Variants in ARAP2 observed in about 807,000 individuals in gnomAD.
ARAP2 encodes the protein ArfGAP with RhoGAP domain, ankyrin repeat and PH domain 2.
ARAP2 carries 148 observed loss-of-function variants against 194.5 expected under a neutral mutation model. That is an observed-to-expected ratio of 0.76 (90% CI 0.67 to 0.87). The LOEUF (loss-of-function observed/expected upper bound fraction) is 0.87, where lower values mean the gene tolerates loss of function less well. Ranked by LOEUF, ARAP2 falls within the 40% of genes least tolerant of loss-of-function variation. The pLI, the probability that ARAP2 is intolerant of heterozygous loss-of-function variation, is 0.00. For synonymous variants in ARAP2, 695 were observed against 683.5 expected, an observed-to-expected ratio of 1.02 and a Z score of -0.26; for missense variants, 2,128 against 1,989.7, an observed-to-expected ratio of 1.07 and a Z score of -1.32.
chr4:36,006,621 A>T (rs1490857651), intron 10 of ARAP2: 2 of 152,166 alleles, frequency 1.3e-5, no homozygotes, highest in Non-Finnish European at 2.9e-5. Context: ...AGAGACTTCC[A>T]AGATTATTTG....
rs73128492 is a variant in ARAP2, at chr4:36,214,346, C to T, written c.964+76G>A. On this transcript the variant is annotated intron_variant, in intron 3 of 32. Transcript: ENST00000303965. ...CCCTATACCACAGGTGGGCTGCCTT[C>T]GCAATCATGATTTTAACACAGTTAA... The T allele has an allele frequency of 2.6e-3, 3,274 of 1,263,208 alleles. 68 individuals carry two copies. The African/African-American group carries it at 0.043, about 17-fold the overall frequency. 78.2% of individuals were successfully genotyped at this position (1,263,208 alleles called of 1,614,324 possible). A position where few individuals can be genotyped will look rare whatever the true frequency, so the allele number is the denominator to read the frequency against.
At chr4:36,205,261 T>C (rs1560663314) in intron 6 of ARAP2, among the ~76,000 whole-genome samples, 1 of 151,978 alleles carries the variant, frequency 6.6e-6, no homozygotes, top group African/African-American at 2.4e-5. Flanking sequence ...TGATCTTCCA[T>C]GGTGGTACAT....
chr4:36,046,311 T>C (rs1721823372), intron 4 of ARAP2, among the ~76,000 whole-genome samples: 1 of 152,112 alleles, frequency 6.6e-6, no homozygotes, highest in Non-Finnish European at 1.5e-5. Context: ...CTTGAGTATC[T>C]GGGACTACAG....
At chr4:36,018,675 A>G (rs541683881) in intron 6 of ARAP2, among the ~76,000 whole-genome samples, 5 of 152,158 alleles carry the variant, frequency 3.3e-5, no homozygotes, top group Non-Finnish European at 7.3e-5. Context: ...CCCACCTTCC[A>G]TCTAAATAGA....
chr4:36,051,460 G>A (rs1420952330), intron 3 of ARAP2, among the ~76,000 whole-genome samples: 1 of 151,892 alleles, frequency 6.6e-6, no homozygotes, highest in African/African-American at 2.4e-5. Flanking sequence ...CTGGGCGACA[G>A]ACCAAGACTC....
Position 36,228,678 on chromosome 4 carries a change from C to G in ARAP2, c.809G>C (p.Ser270Thr), listed in dbSNP as rs759624068. ...TGGTCTTGAAACCAACTTGCTACGACTTCTCACAGGTGCTAGGATTGGTGA... is the reference window on the plus strand; with the variant it reads ...TGGTCTTGAAACCAACTTGCTACGAGTTCTCACAGGTGCTAGGATTGGTGA... ...PSSPILAPVR[S>T]RSKLVSRPSR... The change falls in exon 2 of 33, where the codon AGT becomes ACT. Residue 270 changes from serine to threonine, a missense_variant. Transcript: ENST00000303965. The G allele has an allele frequency of 1.9e-6, 3 of 1,614,040 alleles. No individual in the cohort carries two copies. The East Asian group carries it at 6.7e-5, about 36-fold the overall frequency.
chr4:36,064,395 C>G (rs1157253423), downstream of ARAP2, among the ~76,000 whole-genome samples: 1 of 152,098 alleles, frequency 6.6e-6, no homozygotes, highest in Non-Finnish European at 1.5e-5. Context: ...AGGGGAGAAC[C>G]AAGTGGCCTA....
In ARAP2 at chr4:36,066,963, A is replaced by G. The variant is rs1164056966; in HGVS notation, c.*944T>C. The G allele has an allele frequency of 6.6e-6, 1 of 152,198 alleles. No individual in the cohort carries two copies. The highest frequency in any genetic ancestry group is 2.4e-5 in the African/African-American group (1 of 41,432). The allele number at this position is 152,198 out of a possible 1,614,324, so 9.4% of individuals were successfully genotyped here. A position where few individuals can be genotyped will look rare whatever the true frequency, so the allele number is the denominator to read the frequency against. ...AATAATAATTTAAAAAAATCTAAAA[A>G]TCAAACAAAACAACAGGACCCTGTG... On this transcript the variant is annotated 3_prime_UTR_variant, in exon 33 of 33. Coordinates refer to ENST00000303965, the MANE Select transcript of ARAP2 (RefSeq NM_015230.4).
At chr4:36,225,370 C>G (rs1380792374) in intron 2 of ARAP2, among the ~76,000 whole-genome samples, 1 of 152,088 alleles carries the variant, frequency 6.6e-6, no homozygotes, top group Non-Finnish European at 1.5e-5. Flanking sequence ...CTGCCTGGGG[C>G]ACTAAGAAGA....
chr4:36,097,900 A>ATGTATTGTAAGTTATACTGAGC (rs1560423646), intron 27 of ARAP2, among the ~76,000 whole-genome samples: 1 of 152,076 alleles, frequency 6.6e-6, no homozygotes, highest in East Asian at 1.9e-4. Context: ...CAAAACAAAC[A>ATGTATTGTAAGTTATACTGAGC]TGTATTGTAA....
intron 2 of ARAP2, among the ~76,000 whole-genome samples, chr4:36,224,852 T>C (rs1181830050): frequency 6.6e-6 from 1 of 152,150 alleles, no homozygotes; most frequent in Non-Finnish European, 1.5e-5. Context: ...ACGTGAAACA[T>C]AAAATTTTCT....
Position 36,035,972 on chromosome 4 carries a change from T to C in ARAP2, n.607+10007A>G, listed in dbSNP as rs562976046. 3.3e-5 allele frequency among the ~76,000 whole-genome samples: 5 copies of C among 152,300 alleles called. No individual in the cohort carries two copies. The South Asian group carries it at 1.0e-3, about 32-fold the overall frequency. ...TTTTGCAGAGTCTGTTTCTGAAATCTCTGTGACATTGGTTTGTTATTTTTT... is the reference window on the plus strand; with the variant it reads ...TTTTGCAGAGTCTGTTTCTGAAATCCCTGTGACATTGGTTTGTTATTTTTT... On this transcript the variant is annotated intron_variant and non_coding_transcript_variant, in intron 5 of 12. Coordinates refer to the ARAP2 transcript ENST00000503225.
chr4:36,189,519 T>A (rs559927340), intron 7 of ARAP2, among the ~76,000 whole-genome samples: 1 of 152,266 alleles, frequency 6.6e-6, no homozygotes, highest in South Asian at 2.1e-4. Context: ...CCTCTCTAGC[T>A]ATAAGTTCCT....
intron 17 of ARAP2, 48 bp from the exon 18 acceptor site, chr4:36,147,794 A>C (rs766851923): frequency 6.9e-7 from 1 of 1,448,898 alleles, no homozygotes; most frequent in Non-Finnish European, 9.3e-7. Context: ...AAAATAGGAA[A>C]TCCCTTCCCT....
chr4:36,093,868 A>G (rs1688828621), intron 27 of ARAP2, among the ~76,000 whole-genome samples: 3 of 152,182 alleles, frequency 2.0e-5, no homozygotes, highest in African/African-American at 7.2e-5. Flanking sequence ...AACATAAGAT[A>G]TTTGGTAAAA....
chr4:36,087,111 T>C (rs1712089132), intron 28 of ARAP2, among the ~76,000 whole-genome samples: 1 of 152,098 alleles, frequency 6.6e-6, no homozygotes, highest in Non-Finnish European at 1.5e-5. Flanking sequence ...AAATGCTAAG[T>C]CTTTACTCAA....
chr4:36,070,163 TAA>T (rs1726493627), intron 32 of ARAP2, among the ~76,000 whole-genome samples: 12 of 152,196 alleles, frequency 7.9e-5, no homozygotes, highest in Admixed American at 5.9e-4. Flanking sequence ...AATATTAGCC[TAA>T]ATTATGTAAC....
chr4:36,017,683 A>T (rs1205128173), intron 6 of ARAP2, among the ~76,000 whole-genome samples: 1 of 151,652 alleles, frequency 6.6e-6, no homozygotes, highest in East Asian at 1.9e-4. Flanking sequence ...AAATCTCATG[A>T]CTGCAGTGTA....
At chr4:36,198,783 G>A (rs1560647382) in intron 6 of ARAP2, among the ~76,000 whole-genome samples, 1 of 152,216 alleles carries the variant, frequency 6.6e-6, no homozygotes, top group Admixed American at 6.5e-5. Context: ...CGTAGGTAGG[G>A]GGTGGCCTTC....
Sources: gnomAD v4.1 joint callset for allele counts (sites outside exome capture counted in the v4.1 genomes callset) on GRCh38, gnomAD v4.1.1 for gene constraint, MANE v1.5 for transcripts, NCBI Gene and HGNC (gene_info 2026-07-23, HGNC 2026-07-21) for gene names.